The following SAMD5 variants were observed in gnomAD, a reference collection of about 807,000 sequenced individuals.
SAMD5 encodes sterile alpha motif domain containing 5.
A neutral mutation model predicts 11.3 loss-of-function variants in SAMD5; 13 were observed. The ratio of observed to expected loss-of-function variants is 1.15; its 90% CI spans 0.75 to 1.83. The LOEUF (loss-of-function observed/expected upper bound fraction) is 1.83. Ranked by LOEUF, SAMD5 falls within the 40% of genes most tolerant of loss-of-function variation. SAMD5 has a pLI of 0.00. For synonymous variants in SAMD5, 129 were observed against 111.3 expected (o/e 1.16, Z -1.00); for missense variants, 255 against 239.1 (o/e 1.07, Z -0.44).
rs374873474 is a variant in SAMD5, at chr6:147,731,622, C to T, written c.163-5695C>T. Among the ~76,000 whole-genome samples, 140 of 138,934 alleles carry T rather than the reference C, an allele frequency of 1.0e-3. 1 individual carries two copies. The highest frequency in any genetic ancestry group is 3.6e-3 in the African/African-American group (131 of 36,878). 91.1% of individuals were successfully genotyped at this position (138,934 alleles called of 152,430 possible). A position where few individuals can be genotyped will look rare whatever the true frequency, so the allele number is the denominator to read the frequency against. ...TCTACGTTTAAAATTACTGTTAACACTTTACCCTCTCTTTTCTCTCTGGCC... is the reference window on the plus strand; with the variant it reads ...TCTACGTTTAAAATTACTGTTAACATTTTACCCTCTCTTTTCTCTCTGGCC... On this transcript the variant is annotated intron_variant, in intron 1 of 1. Coordinates refer to the SAMD5 transcript ENST00000566741.
the SAMD5 span, among the ~76,000 whole-genome samples, chr6:147,899,670 T>A: frequency 6.6e-6 from 1 of 152,342 alleles, no homozygotes; most frequent in Middle Eastern, 3.4e-3. Flanking sequence ...GAATGGCATC[T>A]GTAGGCATTT....
chr6:147,903,996 C>T, the SAMD5 span, among the ~76,000 whole-genome samples: 1 of 152,060 alleles, frequency 6.6e-6, no homozygotes, highest in African/African-American at 2.4e-5. Context: ...ATGGAGTCCC[C>T]AGATTTCTTT....
the SAMD5 span, among the ~76,000 whole-genome samples, chr6:147,915,291 A>G: frequency 6.6e-6 from 1 of 152,248 alleles, no homozygotes; most frequent in Admixed American, 6.5e-5. Flanking sequence ...ATAATGATAC[A>G]TAATTTCTGT....
At chr6:147,605,552 C>T (rs1173649592) in intron 1 of SAMD5, among the ~76,000 whole-genome samples, 2 of 152,020 alleles carry the variant, frequency 1.3e-5, no homozygotes, top group African/African-American at 4.8e-5. Flanking sequence ...AATACTTTTC[C>T]AGGTTTTTCT....
intron 1 of SAMD5, among the ~76,000 whole-genome samples, chr6:147,731,547 G>A (rs1791713592): frequency 6.7e-6 from 1 of 148,696 alleles, no homozygotes; most frequent in Non-Finnish European, 1.5e-5. Flanking sequence ...TCTGTACTCT[G>A]TACCCTCTGT....
chr6:147,607,475 A>AACAGACAC (rs1198176828), intron 1 of SAMD5, among the ~76,000 whole-genome samples: 1 of 152,166 alleles, frequency 6.6e-6, no homozygotes, highest in African/African-American at 2.4e-5. Context: ...TGGCATTAAA[A>AACAGACAC]ACAGACACAT....
chr6:147,798,488 G>C, the SAMD5 span, among the ~76,000 whole-genome samples: 17,284 of 144,752 alleles, frequency 0.12, 1,206 homozygotes, highest in Middle Eastern at 0.17. Flanking sequence ...TTACTTCCAA[G>C]TATGTGGTCA....
chr6:147,565,862 T>C lies in SAMD5; in HGVS notation c.*1406T>C. ...ATGGCAAAAGATGTTGACGTACAAC[T>C]GGCTCCTGAGGCTGTCAATTGTTTA... On this transcript the variant is annotated 3_prime_UTR_variant, in exon 2 of 2. Coordinates refer to ENST00000367474, the MANE Select transcript of SAMD5 (RefSeq NM_001030060.3). 1 of 985,394 alleles carries C rather than the reference T, an allele frequency of 1.0e-6. No individual in the cohort carries two copies. The highest frequency in any genetic ancestry group is 1.2e-6 in the Non-Finnish European group (1 of 829,914). The allele number at this position is 985,394 out of a possible 1,614,324, so 61.0% of individuals were successfully genotyped here. A position where few individuals can be genotyped will look rare whatever the true frequency, so the allele number is the denominator to read the frequency against.
chr6:147,580,014 C>T (rs572104852), intron 1 of SAMD5, among the ~76,000 whole-genome samples: 19 of 152,276 alleles, frequency 1.2e-4, no homozygotes, highest in Middle Eastern at 3.4e-3. Flanking sequence ...TTCTCCTTCA[C>T]GCAGGAGGGA....
intron 1 of SAMD5, among the ~76,000 whole-genome samples, chr6:147,530,206 A>T (rs1423376213): frequency 6.6e-6 from 1 of 152,246 alleles, no homozygotes; most frequent in African/African-American, 2.4e-5. Context: ...CTGTGCAGTA[A>T]TAATTAACCT....
At chr6:147,509,591 C>T (rs929497833) in intron 1 of SAMD5, among the ~76,000 whole-genome samples, 1 of 152,140 alleles carries the variant, frequency 6.6e-6, no homozygotes, top group Non-Finnish European at 1.5e-5. Context: ...GTAAGACAAG[C>T]CCCCGCATCC....
At chr6:147,724,293 A>G (rs185561712) in intron 1 of SAMD5, among the ~76,000 whole-genome samples, 82 of 152,312 alleles carry the variant, frequency 5.4e-4, no homozygotes, top group African/African-American at 1.8e-3. Context: ...ACACCTGGCT[A>G]GAAAAATACT....
chr6:147,515,057 C>T (rs754921238), intron 1 of SAMD5, among the ~76,000 whole-genome samples: 13 of 152,056 alleles, frequency 8.5e-5, no homozygotes, highest in Non-Finnish European at 1.8e-4. Context: ...AAATATTCCT[C>T]CTCCCAAGAA....
chr6:147,526,793 C>T (rs1277560791), intron 1 of SAMD5, among the ~76,000 whole-genome samples: 3 of 149,968 alleles, frequency 2.0e-5, no homozygotes, highest in Admixed American at 6.6e-5. Flanking sequence ...GGTGAGTGGT[C>T]CACTTTGGGC....
chr6:147,674,740 C>G (rs538423625), intron 1 of SAMD5, among the ~76,000 whole-genome samples: 2 of 152,252 alleles, frequency 1.3e-5, no homozygotes, highest in South Asian at 4.1e-4. Flanking sequence ...ATAGCTTGTA[C>G]TCTGTGAATG....
chr6:147,596,453 G>A (rs1433845598), intron 1 of SAMD5, among the ~76,000 whole-genome samples: 1 of 152,070 alleles, frequency 6.6e-6, no homozygotes, highest in Non-Finnish European at 1.5e-5. Flanking sequence ...TGCTACTCTG[G>A]CCAAATTTTG....
intron 1 of SAMD5, among the ~76,000 whole-genome samples, chr6:147,689,572 T>C (rs1165259285): frequency 3.3e-5 from 5 of 152,168 alleles, no homozygotes; most frequent in African/African-American, 1.2e-4. Flanking sequence ...GAAAAGGAAG[T>C]GACTAAAGGG....
the SAMD5 span, among the ~76,000 whole-genome samples, chr6:147,924,244 A>G: frequency 2.0e-5 from 3 of 152,138 alleles, no homozygotes; most frequent in African/African-American, 7.2e-5. Context: ...CATAACAAAC[A>G]CTAGTTTAGC....
intron 1 of SAMD5, among the ~76,000 whole-genome samples, chr6:147,647,282 G>T (rs1790419150): frequency 6.6e-6 from 1 of 152,158 alleles, no homozygotes. Context: ...AAGGGAGGAA[G>T]AAACATTTAA....
Sources: allele counts gnomAD v4.1 joint callset (sites outside exome capture counted in the v4.1 genomes callset), GRCh38; gene constraint gnomAD v4.1.1; transcripts MANE v1.5; gene names NCBI Gene and HGNC (gene_info 2026-07-23, HGNC 2026-07-21).